TRAPPC9: variants seen among roughly 807,000 people sequenced by gnomAD.
The protein encoded by TRAPPC9 is IKK2 binding protein.
Under a neutral mutation model 124.0 loss-of-function variants are expected in TRAPPC9, and 83 were observed. The ratio of observed to expected loss-of-function variants is 0.67; its 90% CI spans 0.56 to 0.80. The LOEUF is 0.80. Ranked by LOEUF, TRAPPC9 falls within the 30% of genes least tolerant of loss-of-function variation. TRAPPC9 has a pLI of 0.00. For missense variants in TRAPPC9, 1,302 were observed against 1,508.3 expected (o/e 0.86, Z 2.27); for synonymous variants, 638 against 617.5 (o/e 1.03, Z -0.49).
intron 17 of TRAPPC9, among the ~76,000 whole-genome samples, chr8:140,115,286 T>A (rs76646829): frequency 6.6e-6 from 1 of 151,614 alleles, no homozygotes; most frequent in Admixed American, 6.6e-5. Flanking sequence ...TTTTTTTTTT[T>A]AGATGGAGTC....
At chr8:140,308,432 C>G (rs2066197590) in intron 10 of TRAPPC9, among the ~76,000 whole-genome samples, 1 of 151,690 alleles carries the variant, frequency 6.6e-6, no homozygotes, top group African/African-American at 2.4e-5. Flanking sequence ...GAATCTCAGG[C>G]AGTTCTTCTT....
intron 5 of TRAPPC9, among the ~76,000 whole-genome samples, chr8:140,420,457 C>T (rs1474625449): frequency 6.6e-6 from 1 of 152,068 alleles, no homozygotes; most frequent in African/African-American, 2.4e-5. Flanking sequence ...TTACACTTCC[C>T]AATTTCAAAA....
chr8:140,402,183 A>G (rs4736180), intron 6 of TRAPPC9, among the ~76,000 whole-genome samples: 22,744 of 151,798 alleles, frequency 0.15, 2,583 homozygotes, highest in East Asian at 0.54. Flanking sequence ...CCTGGGCAAC[A>G]TGGACAGACC....
At chr8:139,751,898 CAA>C in intron 21 of TRAPPC9, among the ~76,000 whole-genome samples, 1 of 151,630 alleles carries the variant, frequency 6.6e-6, no homozygotes, top group East Asian at 1.9e-4. Context: ...ATCCATCCAT[CAA>C]TCCACCATCC....
chr8:140,419,441 A>AC (rs1296274051), intron 5 of TRAPPC9, among the ~76,000 whole-genome samples: 4,801 of 145,396 alleles, frequency 0.033, 192 homozygotes, highest in African/African-American at 0.092. Context: ...AAAAAAAAAA[A>AC]AAAAAAAAAA....
intron 15 of TRAPPC9, among the ~76,000 whole-genome samples, chr8:140,255,116 G>A (rs902814450): frequency 3.3e-5 from 5 of 152,228 alleles, no homozygotes; most frequent in Non-Finnish European, 5.9e-5. Flanking sequence ...TCTGACAGAC[G>A]GCGTTTATGT....
intron 21 of TRAPPC9, among the ~76,000 whole-genome samples, chr8:139,744,448 C>A (rs1818759508): frequency 6.6e-6 from 1 of 152,088 alleles, no homozygotes; most frequent in Admixed American, 6.5e-5. Flanking sequence ...GACAGGGAGA[C>A]AGAGGCTGGG....
chr8:140,321,941 G>T (rs1280747247), intron 9 of TRAPPC9, among the ~76,000 whole-genome samples: 1 of 152,178 alleles, frequency 6.6e-6, no homozygotes, highest in Non-Finnish European at 1.5e-5. Flanking sequence ...GGCTTGCTGA[G>T]CTTGGTAGAC....
chr8:140,088,466 C>G (rs7816215), intron 17 of TRAPPC9, among the ~76,000 whole-genome samples: 3 of 152,136 alleles, frequency 2.0e-5, no homozygotes, highest in African/African-American at 7.2e-5. Flanking sequence ...TCCGCTTAAA[C>G]ACACAACGAG....
At chr8:140,450,607 A>T (rs977077286) in intron 2 of TRAPPC9, among the ~76,000 whole-genome samples, 183 bp downstream of exon 2, 2 of 152,182 alleles carry the variant, frequency 1.3e-5, no homozygotes, top group African/African-American at 4.8e-5. Flanking sequence ...TGTCTTTAAA[A>T]GTCACTGGTT....
chr8:140,019,731 T>C (rs1255929772), intron 18 of TRAPPC9, among the ~76,000 whole-genome samples: 2 of 151,928 alleles, frequency 1.3e-5, no homozygotes, highest in African/African-American at 2.4e-5. Flanking sequence ...TTTCTATGTT[T>C]AGTAGAGATG....
chr8:139,995,844 CA>C (rs1289836068), intron 18 of TRAPPC9, among the ~76,000 whole-genome samples: 3 of 130,134 alleles, frequency 2.3e-5, no homozygotes, highest in Non-Finnish European at 4.7e-5. Context: ...GCACAGCCTG[CA>C]AAAGGTACTC....
At chr8:140,438,516 G>A (rs2070896105) in intron 3 of TRAPPC9, among the ~76,000 whole-genome samples, 1 of 152,152 alleles carries the variant, frequency 6.6e-6, no homozygotes, top group South Asian at 2.1e-4. Context: ...AAAAGGGAAA[G>A]TGTGGGCAGG....
chr8:139,838,263 C>T (rs1482996145), intron 21 of TRAPPC9, among the ~76,000 whole-genome samples: 2 of 152,218 alleles, frequency 1.3e-5, no homozygotes, highest in African/African-American at 2.4e-5. Flanking sequence ...CTGTGCTGGG[C>T]ACACGCACCT....
chr8:139,775,809 T>G (rs1821318964), intron 21 of TRAPPC9, among the ~76,000 whole-genome samples: 1 of 152,206 alleles, frequency 6.6e-6, no homozygotes, highest in South Asian at 2.1e-4. Context: ...CAAGATGAAG[T>G]GCTTGGCTCT....
intron 21 of TRAPPC9, among the ~76,000 whole-genome samples, chr8:139,787,114 T>C (rs892773138): frequency 6.6e-6 from 1 of 152,194 alleles, no homozygotes; most frequent in Admixed American, 6.5e-5. Context: ...CTTCTATTAC[T>C]ACCAGCACCC....
chr8:140,229,251 C>CTTTTTTTTTTTTTT (rs528175891), intron 16 of TRAPPC9, among the ~76,000 whole-genome samples: 2 of 99,828 alleles, frequency 2.0e-5, no homozygotes, highest in African/African-American at 4.6e-5. Flanking sequence ...TTTTCTTTTT[C>CTTTTTTTTTTTTTT]TTTTTTTTTT....
chr8:139,754,749 C>A (rs1819581881), intron 21 of TRAPPC9, among the ~76,000 whole-genome samples: 1 of 152,242 alleles, frequency 6.6e-6, no homozygotes, highest in Non-Finnish European at 1.5e-5. Context: ...GACGCCCCCA[C>A]CCCGTGTCAC....
chr8:140,200,620 C>T (rs973743403), intron 17 of TRAPPC9, among the ~76,000 whole-genome samples: 10 of 152,108 alleles, frequency 6.6e-5, no homozygotes, highest in African/African-American at 2.4e-4. Flanking sequence ...AAATGAGGCG[C>T]AATCTACAAA....
Sources: allele counts gnomAD v4.1 joint callset (sites outside exome capture counted in the v4.1 genomes callset), GRCh38; gene constraint gnomAD v4.1.1; transcripts MANE v1.5; gene names NCBI Gene and HGNC (gene_info 2026-07-23, HGNC 2026-07-21).